MFGE8: variants seen among roughly 807,000 people sequenced by gnomAD.
MFGE8 encodes milk fat globule EGF and factor V/VIII domain containing, also known as lactadherin.
A neutral mutation model predicts 42.6 loss-of-function variants in MFGE8; 34 were observed. That is an observed-to-expected ratio of 0.80 (90% CI 0.61 to 1.06). MFGE8 has a LOEUF of 1.06. Among genes scored for constraint, MFGE8 ranks in the 50% least tolerant of loss-of-function variants. MFGE8 has a pLI of 0.00. For synonymous variants in MFGE8, 230 were observed against 214.8 expected, an observed-to-expected ratio of 1.07 and a Z score of -0.62; for missense variants, 510 against 516.9, an observed-to-expected ratio of 0.99 and a Z score of 0.13.
In MFGE8 at chr15:88,909,364, G is replaced by T. The variant is rs181684909; in HGVS notation, c.205+428C>A. Among the ~76,000 whole-genome samples, 486 of 152,324 alleles carry T rather than the reference G, an allele frequency of 3.2e-3. 3 individuals are homozygous for T. Among genetic ancestry groups the T allele is most frequent in the African/African-American group, 0.011 (464 of 41,554 alleles). The stretch of plus-strand genomic sequence containing the variant: ...GGAACTGTCAGACTCTGAAACCAAG[G>T]CTGATTTACTGAGTTCCTGGGCCTC... On this transcript the variant is annotated intron_variant, in intron 2 of 7. Coordinates refer to ENST00000268150, the MANE Select transcript of MFGE8 (RefSeq NM_005928.4).
chr15:88,910,161 G>A (rs1898892678), intron 1 of MFGE8: 2 of 469,380 alleles, frequency 4.3e-6, no homozygotes, highest in South Asian at 4.0e-5. Flanking sequence ...AGTGGCCTGG[G>A]AGTGTCCAGA....
At chr15:88,910,895 G>T (rs942397594) in intron 1 of MFGE8, 2 of 151,962 alleles carry the variant, frequency 1.3e-5, no homozygotes, top group Non-Finnish European at 2.9e-5. Context: ...CCACCAGGGG[G>T]GAGAAAAAAT....
At chr15:88,901,387 G>C (rs1188982188) in intron 6 of MFGE8, among the ~76,000 whole-genome samples, 164 bp downstream of exon 6, 1 of 152,150 alleles carries the variant, frequency 6.6e-6, no homozygotes, top group Non-Finnish European at 1.5e-5. Context: ...CAAGAGAAGG[G>C]AGTACAGGTG....
At chr15:88,901,165 ACACACATTCT>A (rs1411911769) in intron 6 of MFGE8, among the ~76,000 whole-genome samples, 3 of 128,006 alleles carry the variant, frequency 2.3e-5, no homozygotes, top group African/African-American at 5.7e-5. Flanking sequence ...ACACACATTC[ACACACATTCT>A]CACACATTCA....
chr15:88,912,421 T>C (rs554501874), intron 1 of MFGE8: 3 of 985,280 alleles, frequency 3.0e-6, no homozygotes, highest in African/African-American at 1.7e-5. Context: ...GCTCAGCTGT[T>C]ACCTACCTTG....
intron 5 of MFGE8, chr15:88,904,345 ACACACATG>A (rs1402063527): frequency 6.6e-6 from 1 of 150,898 alleles, no homozygotes; most frequent in Non-Finnish European, 1.5e-5. Context: ...AGCCCCACCC[ACACACATG>A]CACACGTGCA....
In MFGE8 at chr15:88,905,050, T is replaced by C. The variant is rs1235768920; in HGVS notation, c.685+707A>G. 6.0e-6 allele frequency: 1 copy of C among 165,312 alleles called. No individual in the cohort carries two copies. Among genetic ancestry groups the C allele is most frequent in the Non-Finnish European group, 1.3e-5 (1 of 75,976 alleles). 10.2% of individuals were successfully genotyped at this position (165,312 alleles called of 1,614,324 possible). ...CGGCACTCTGACCTCGCCCAGGCTGTCCCCTGGCTCTGCAGAAATCTGTCC... is the reference window on the plus strand; with the variant it reads ...CGGCACTCTGACCTCGCCCAGGCTGCCCCCTGGCTCTGCAGAAATCTGTCC... On this transcript the variant is annotated intron_variant, in intron 5 of 7. Coordinates refer to ENST00000268150, the MANE Select transcript of MFGE8 (RefSeq NM_005928.4). The surrounding 1 kb of genome is among the most constrained non-coding windows in gnomAD (Gnocchi z 6.6).
chr15:88,912,379 G>A (rs1899006422), intron 1 of MFGE8: 1 of 985,136 alleles, frequency 1.0e-6, no homozygotes, highest in Non-Finnish European at 1.2e-6. Context: ...CTAGCCCCGA[G>A]GGTCAGGCAG....
In MFGE8 at chr15:88,913,284, G is replaced by T. The variant is rs781754434; in HGVS notation, c.36C>A (p.Gly12=). ...GGAGGCTGGGGGCGCAGAGCAGCGC[G>T]CCGCACAGCGCGGCCAGCAGGCGGG... The part of the protein sequence containing the change: ...PRPRLLAALC[G]ALLCAPSLLV... The change falls in exon 1 of 8, where the codon GGC becomes GGA. Residue 12 remains glycine (G), a synonymous_variant. Coordinates refer to ENST00000268150, the MANE Select transcript of MFGE8 (RefSeq NM_005928.4). 6.7e-7 allele frequency: 1 copy of T among 1,483,056 alleles called. No homozygotes were observed. 91.9% of individuals were successfully genotyped at this position (1,483,056 alleles called of 1,614,324 possible). A position where few individuals can be genotyped will look rare whatever the true frequency, so the allele number is the denominator to read the frequency against.
intron 2 of MFGE8, among the ~76,000 whole-genome samples, chr15:88,908,356 C>T (rs536813923): frequency 5.2e-4 from 79 of 152,338 alleles, no homozygotes; most frequent in African/African-American, 1.9e-3. Context: ...AGAGCTCGGC[C>T]AGTGGCTGAG....
Position 88,912,454 on chromosome 15 carries a change from G to A in MFGE8, c.73+793C>T, listed in dbSNP as rs1187222788. ...TTGCTTCAGTCAATCCCATTTCTATGAGAAAATGATGGAGGGGCCACCTAA... is the reference window on the plus strand; with the variant it reads ...TTGCTTCAGTCAATCCCATTTCTATAAGAAAATGATGGAGGGGCCACCTAA... On this transcript the variant is annotated intron_variant, in intron 1 of 7. Coordinates refer to ENST00000268150, the MANE Select transcript of MFGE8 (RefSeq NM_005928.4). 5.1e-6 allele frequency: 5 copies of A among 985,378 alleles called. No homozygotes were observed. The East Asian group carries it at 5.7e-4, about 112-fold the overall frequency. 61.0% of individuals were successfully genotyped at this position (985,378 alleles called of 1,614,324 possible).
At position 88,901,007 on chromosome 15, in the gene MFGE8, A is replaced by ACACACACATT. The variant is rs1555460885; in HGVS notation, c.870+543_870+544insAATGTGTGTG. Among the ~76,000 whole-genome samples, 1,140 of 145,842 alleles carry ACACACACATT rather than the reference A, an allele frequency of 7.8e-3. 7 individuals are homozygous for ACACACACATT. Among genetic ancestry groups the ACACACACATT allele is most frequent in the Non-Finnish European group, 0.013 (831 of 65,808 alleles). On this transcript the variant is annotated intron_variant, in intron 6 of 7. Transcript: ENST00000268150. Reference sequence around the variant, plus strand: ...CACACATTCACACACACACATTCACACACACACACACATTCTCACACACAC... The same window carrying ACACACACATT: ...CACACATTCACACACACACATTCACACACACACATTCACACACACACATTCTCACACACAC...
In MFGE8 at chr15:88,899,669, G is replaced by C. The variant is rs1304047025; in HGVS notation, c.1013C>G (p.Thr338Ser). ...ACAGACACCCACCTTACTGCTGCCA[G>C]TCCTGGGGTCCTGGTACTCAGTCCA... Reference protein sequence around the residue: ...ANWTEYQDPRTGSSKIFPGNW... With the variant: ...ANWTEYQDPRSGSSKIFPGNW... The change falls in exon 7 of 8, where the codon ACT becomes AGT. Residue 338 changes from threonine (T) to serine (S), a missense_variant. Thr to Ser is a moderately conservative substitution (Grantham distance 58). Transcript: ENST00000268150. The surrounding 1 kb of genome is among the most constrained non-coding windows in gnomAD (Gnocchi z 6.8). 1 of 1,614,066 alleles carries C rather than the reference G, an allele frequency of 6.2e-7. No individual in the cohort carries two copies. Among genetic ancestry groups the C allele is most frequent in the East Asian group, 2.2e-5 (1 of 44,888 alleles).
At chr15:88,900,975 TCA>T (rs148729760) in intron 6 of MFGE8, among the ~76,000 whole-genome samples, 3,635 of 75,678 alleles carry the variant, frequency 0.048, 83 homozygotes, top group South Asian at 0.17. Context: ...ACACACACAT[TCA>T]CACACACACA....
At chr15:88,908,485 C>T (rs747759464) in intron 2 of MFGE8, among the ~76,000 whole-genome samples, 1 of 152,218 alleles carries the variant, frequency 6.6e-6, no homozygotes, top group Non-Finnish European at 1.5e-5. Flanking sequence ...TCCAAGGAAA[C>T]ATACCACGTA....
rs1342872025 is a variant in MFGE8 at position 88,906,206 on chromosome 15, T to C, written c.541-305A>G. On this transcript the variant is annotated intron_variant, in intron 4 of 7. Transcript: ENST00000268150. This position sits in a 1 kb window ranked among gnomAD's most constrained non-coding sequence, Gnocchi z 4.2. Reference sequence around the variant, plus strand: ...TTGCAAATTAGGAAAAGGCACTCCTTTCTCAAATAGTTTATTATGACAATT... The same window carrying C: ...TTGCAAATTAGGAAAAGGCACTCCTCTCTCAAATAGTTTATTATGACAATT... 2.0e-6 allele frequency: 1 copy of C among 498,354 alleles called. No individual in the cohort carries two copies. The highest frequency in any genetic ancestry group is 3.7e-6 in the Non-Finnish European group (1 of 273,322). The allele number at this position is 498,354 out of a possible 1,614,324, so 30.9% of individuals were successfully genotyped here. A position where few individuals can be genotyped will look rare whatever the true frequency, so the allele number is the denominator to read the frequency against.
In MFGE8 at chr15:88,906,379, C is replaced by T. The variant is rs538995583; in HGVS notation, c.540+247G>A. On this transcript the variant is annotated intron_variant, in intron 4 of 7. Coordinates refer to ENST00000268150, the MANE Select transcript of MFGE8 (RefSeq NM_005928.4). This position sits in a 1 kb window ranked among gnomAD's most constrained non-coding sequence, Gnocchi z 4.2. ...AACCCAGCTCCACCACCACTATCAC[C>T]CTCAACAGGTCACTGTGCCATTTTG... 13 of 529,582 alleles carry T rather than the reference C, an allele frequency of 2.5e-5. No homozygotes were observed. In the East Asian group the frequency reaches 4.7e-4, roughly 19 times the overall value. The allele number at this position is 529,582 out of a possible 1,614,324, so 32.8% of individuals were successfully genotyped here.
chr15:88,905,953 C>G lies in MFGE8; in HGVS notation c.541-52G>C. On this transcript the variant is annotated intron_variant, in intron 4 of 7. Transcript: ENST00000268150. The surrounding 1 kb of genome is among the most constrained non-coding windows in gnomAD (Gnocchi z 6.6). ...AAGGGGGTCCATCTGAGCAGTCCCC[C>G]TCCCTGGGGTTACCTCATCTTCCTC... 6.2e-7 allele frequency: 1 copy of G among 1,607,386 alleles called. No individual in the cohort carries two copies. Among genetic ancestry groups the G allele is most frequent in the Non-Finnish European group, 8.5e-7 (1 of 1,174,202 alleles).
chr15:88,909,393 A>G (rs867331067), intron 2 of MFGE8, among the ~76,000 whole-genome samples: 3 of 152,206 alleles, frequency 2.0e-5, no homozygotes, highest in Non-Finnish European at 4.4e-5. Flanking sequence ...GGGCCTCAAA[A>G]GACCAAGAAT....
Sources: gnomAD v4.1 joint callset for allele counts (sites outside exome capture counted in the v4.1 genomes callset) on GRCh38, gnomAD v4.1.1 for gene constraint, Gnocchi (gnomAD v3.1) non-coding constraint, MANE v1.5 for transcripts, NCBI Gene and HGNC (gene_info 2026-07-23, HGNC 2026-07-21) for gene names.